The following DOCK2 variants were observed in gnomAD, a reference collection of about 807,000 sequenced individuals.
DOCK2 encodes dedicator of cytokinesis protein 2.
In DOCK2, 87 loss-of-function variants were observed where a neutral mutation model predicts 248.9. That is an observed-to-expected ratio of 0.35 (90% CI 0.29 to 0.42). The LOEUF is 0.42. DOCK2 is among the 10% of genes least tolerant of loss of function. The pLI is 1.00. For synonymous variants in DOCK2, 805 were observed against 821.6 expected, an observed-to-expected ratio of 0.98 and a Z score of 0.35; for missense variants, 1,747 against 2,300.2, an observed-to-expected ratio of 0.76 and a Z score of 4.92.
intron 26 of DOCK2, among the ~76,000 whole-genome samples, chr5:169,833,439 T>C (rs568090110): frequency 9.9e-5 from 15 of 152,256 alleles, no homozygotes; most frequent in African/African-American, 3.6e-4. Context: ...GAGAAAAGTA[T>C]TTCATAAGCC....
At chr5:169,973,448 C>G (rs73327844) in intron 27 of DOCK2, among the ~76,000 whole-genome samples, 1,891 of 152,222 alleles carry the variant, frequency 0.012, 42 homozygotes, top group African/African-American at 0.043. Context: ...TTTTAAGGGA[C>G]CCTCTGCATG....
intron 30 of DOCK2, among the ~76,000 whole-genome samples, chr5:170,002,658 G>C (rs1754880599): frequency 6.6e-6 from 1 of 152,202 alleles, no homozygotes; most frequent in Admixed American, 6.5e-5. Context: ...CCCACTAGCA[G>C]TATGACTTTG....
intron 44 of DOCK2, 137 bp from the exon 45 acceptor site, chr5:170,067,373 A>T: frequency 1.2e-6 from 1 of 818,676 alleles, no homozygotes; most frequent in Non-Finnish European, 1.9e-6. Flanking sequence ...CTCAGTAATT[A>T]CAAGATCCTG....
chr5:170,036,333 G>T (rs1756322273), intron 35 of DOCK2, among the ~76,000 whole-genome samples, 182 bp from the exon 36 acceptor site: 1 of 152,202 alleles, frequency 6.6e-6, no homozygotes, highest in Non-Finnish European at 1.5e-5. Context: ...TTTCAAAGCA[G>T]AATCTTCCAA....
chr5:169,855,576 T>A (rs1329081482), intron 27 of DOCK2, among the ~76,000 whole-genome samples: 3 of 152,158 alleles, frequency 2.0e-5, no homozygotes, highest in Non-Finnish European at 1.5e-5. Context: ...TTGCTAGATG[T>A]GTGTCTTAGA....
At chr5:169,963,099 G>A (rs1777157821) in intron 27 of DOCK2, among the ~76,000 whole-genome samples, 1 of 152,176 alleles carries the variant, frequency 6.6e-6, no homozygotes, top group Non-Finnish European at 1.5e-5. Flanking sequence ...TGGAATATGT[G>A]TTTCAGGAAA....
chr5:169,744,607 C>CA (rs35858546), intron 22 of DOCK2, among the ~76,000 whole-genome samples: 38,301 of 145,068 alleles, frequency 0.26, 6,692 homozygotes, highest in African/African-American at 0.48. Context: ...CTCATAAAAT[C>CA]AAAAAAAAAA....
chr5:169,680,892 A>G (rs1394883368), intron 6 of DOCK2, among the ~76,000 whole-genome samples: 1 of 152,086 alleles, frequency 6.6e-6, no homozygotes, highest in Non-Finnish European at 1.5e-5. Context: ...ACATGAACCC[A>G]GATAACATAT....
chr5:169,765,100 ACACCC>A (rs1452167577), intron 25 of DOCK2, among the ~76,000 whole-genome samples: 8 of 151,696 alleles, frequency 5.3e-5, no homozygotes, highest in East Asian at 1.9e-4. Context: ...ACACACACAC[ACACCC>A]CACACACAGT....
At chr5:170,042,614 G>C (rs1435718302) in intron 38 of DOCK2, among the ~76,000 whole-genome samples, 1 of 152,158 alleles carries the variant, frequency 6.6e-6, no homozygotes, top group African/African-American at 2.4e-5. Context: ...CTCAGGGACT[G>C]TGTACTTGCT....
At chr5:170,045,425 C>G (rs562237290) in intron 38 of DOCK2, among the ~76,000 whole-genome samples, 6 of 152,304 alleles carry the variant, frequency 3.9e-5, no homozygotes, top group Non-Finnish European at 7.3e-5. Flanking sequence ...TGGAGACACA[C>G]ACGGGGGCTT....
intron 2 of DOCK2, among the ~76,000 whole-genome samples, chr5:169,654,862 T>C (rs1270048908): frequency 1.3e-5 from 2 of 152,166 alleles, no homozygotes; most frequent in Admixed American, 6.5e-5. Flanking sequence ...GGAGAGCCGA[T>C]GTGCACAGTT....
intron 1 of DOCK2, among the ~76,000 whole-genome samples, chr5:169,647,827 G>A (rs1485632065): frequency 6.6e-6 from 1 of 152,154 alleles, no homozygotes; most frequent in Non-Finnish European, 1.5e-5. Flanking sequence ...GTGACTTGCA[G>A]TTTAGCCTTT....
chr5:170,001,844 AAT>A (rs1289340397), intron 30 of DOCK2, among the ~76,000 whole-genome samples: 1 of 152,228 alleles, frequency 6.6e-6, no homozygotes, highest in Non-Finnish European at 1.5e-5. Context: ...AACAGGGTAT[AAT>A]ATGGGTGAAT....
At chr5:169,978,410 G>T in intron 27 of DOCK2, among the ~76,000 whole-genome samples, 2 of 141,604 alleles carry the variant, frequency 1.4e-5, no homozygotes, top group Non-Finnish European at 3.1e-5. Context: ...GGGGGGTGTA[G>T]GTGTGTTTGC....
chr5:169,766,847 A>G (rs1201651173), intron 25 of DOCK2, among the ~76,000 whole-genome samples: 1 of 152,108 alleles, frequency 6.6e-6, no homozygotes, highest in Non-Finnish European at 1.5e-5. Flanking sequence ...AGCTCACTGA[A>G]ACCCCCACCT....
chr5:170,021,133 G>A (rs1041950101), intron 33 of DOCK2, among the ~76,000 whole-genome samples: 1 of 152,188 alleles, frequency 6.6e-6, no homozygotes, highest in Non-Finnish European at 1.5e-5. Context: ...CTGCCTTTTT[G>A]TGAAGAGCCT....
rs577976752 is a variant in DOCK2, at chr5:169,707,128, G to A, written c.1384-1041G>A. Among the ~76,000 whole-genome samples, 8 of 152,244 alleles carry A rather than the reference G, an allele frequency of 5.3e-5. No individual in the cohort carries two copies. In the South Asian group the frequency reaches 1.7e-3, roughly 32 times the overall value. ...TGGCCTAATATAAAAACCACACTTC[G>A]GGCCCCTTCTGGGTAATCCTAGCTT... On this transcript the variant is annotated intron_variant, in intron 14 of 51. Coordinates refer to ENST00000520908, the MANE Select transcript of DOCK2 (RefSeq NM_004946.3).
chr5:170,044,338 C>T (rs1013794308), intron 38 of DOCK2, among the ~76,000 whole-genome samples: 6 of 152,196 alleles, frequency 3.9e-5, no homozygotes. Context: ...GCCCAGAACC[C>T]ACCGTGTGCT....
Sources: allele counts gnomAD v4.1 joint callset (sites outside exome capture counted in the v4.1 genomes callset), GRCh38; gene constraint gnomAD v4.1.1; transcripts MANE v1.5; gene names NCBI Gene and HGNC (gene_info 2026-07-23, HGNC 2026-07-21).